EIF2B2: variants seen among roughly 807,000 people sequenced by gnomAD.
EIF2B2 encodes the protein eukaryotic translation initiation factor 2B subunit beta, also known as translation initiation factor eIF2B subunit beta.
A neutral mutation model predicts 34.7 loss-of-function variants in EIF2B2; 34 were observed. The observed-to-expected ratio is 0.98, with a 90% confidence interval of 0.75 to 1.31. EIF2B2 has a LOEUF of 1.31. Among genes scored for constraint, EIF2B2 ranks in the 50% most tolerant of loss-of-function variants. The probability of loss-of-function intolerance (pLI) is 0.00; values close to 1 mark genes in which losing one functional copy is unlikely to be tolerated. For synonymous variants in EIF2B2, 155 were observed against 171.6 expected, an observed-to-expected ratio of 0.90 and a Z score of 0.76; for missense variants, 361 against 447.7, an observed-to-expected ratio of 0.81 and a Z score of 1.75.
intron 4 of EIF2B2, chr14:75,005,159 C>T: frequency 2.5e-6 from 1 of 403,256 alleles, no homozygotes; most frequent in African/African-American, 2.1e-5. Flanking sequence ...GGTGGATTAC[C>T]TGAGGTCAGG....
Position 75,009,233 on chromosome 14 carries a change from T to G in EIF2B2, c.*45T>G, listed in dbSNP as rs765822635. On this transcript the variant is annotated 3_prime_UTR_variant, in exon 8 of 8. Transcript: ENST00000266126. ...GCAGATTGCTTAGGCAGATACAGAATGAAGAGGAGACTTGAGTGTTGCTGC... is the reference window on the plus strand; with the variant it reads ...GCAGATTGCTTAGGCAGATACAGAAGGAAGAGGAGACTTGAGTGTTGCTGC... The G allele has an allele frequency of 3.4e-5, 55 of 1,610,412 alleles. No homozygotes were observed. Among genetic ancestry groups the G allele is most frequent in the Admixed American group, 8.3e-5 (5 of 59,976 alleles).
intron 4 of EIF2B2, chr14:75,005,202 C>A: frequency 8.4e-6 from 3 of 356,870 alleles, no homozygotes; most frequent in South Asian, 4.4e-5. Context: ...CATGACAAAA[C>A]CCCGTCTCCA....
At position 75,011,037 on chromosome 14, in the gene EIF2B2, T is replaced by C. The variant is rs1889697540; in HGVS notation, c.*1849T>C. ...AACTAAAATACTATAATAAAATTTT[T>C]AGTTCCACTAAAAATACAAAAATTA... On this transcript the variant is annotated 3_prime_UTR_variant, in exon 8 of 8. Coordinates refer to ENST00000266126, the MANE Select transcript of EIF2B2 (RefSeq NM_014239.4). 1 of 152,140 alleles carries C rather than the reference T, an allele frequency of 6.6e-6. No homozygotes were observed. The highest frequency in any genetic ancestry group is 6.5e-5 in the Admixed American group (1 of 15,272). 9.4% of individuals were successfully genotyped at this position (152,140 alleles called of 1,614,324 possible).
Position 75,004,687 on chromosome 14 carries a change from ATATTTTTTTTTTTTTTTT to A in EIF2B2, c.434-48_434-31del, listed in dbSNP as rs1889595551. The A allele has an allele frequency of 2.9e-4, 31 of 107,676 alleles. 4 individuals are homozygous for A. The highest frequency in any genetic ancestry group is 1.0e-3 in the Admixed American group (3 of 2,914). The allele number at this position is 107,676 out of a possible 1,614,324, so 6.7% of individuals were successfully genotyped here. On this transcript the variant is annotated intron_variant, in intron 3 of 7. Transcript: ENST00000266126. ...ATTTCATATATATATATATATATAT[ATATTTTTTTTTTTTTTTT>A]TTTTTTTTTTTTTGCAAAACCGTTC...
intron 6 of EIF2B2, chr14:75,007,386 GC>G (rs1889642880): frequency 2.9e-6 from 1 of 344,488 alleles, no homozygotes; most frequent in Non-Finnish European, 5.6e-6. Flanking sequence ...CTATGGATTT[GC>G]CCATTTTGTA....
At position 75,007,783 on chromosome 14, in the gene EIF2B2, C is replaced by T; in HGVS notation, c.893C>T (p.Thr298Ile). Reference protein sequence around the residue: ...FVAPEEVLPFTEGDILEKVSV... With the variant: ...FVAPEEVLPFIEGDILEKVSV... ...GCTCCTGAAGAAGTCCTGCCATTCA[C>T]AGAAGGTACAGAAGCTGTGTGTGCA... The change falls in exon 7 of 8, where the codon ACA becomes ATA. Residue 298 changes from threonine (T) to isoleucine (I), a missense_variant. Physicochemically the swap from Thr to Ile is moderately conservative, Grantham distance 89. Transcript: ENST00000266126. The T allele has an allele frequency of 6.2e-7, 1 of 1,613,752 alleles. No individual in the cohort carries two copies. The highest frequency in any genetic ancestry group is 8.5e-7 in the Non-Finnish European group (1 of 1,179,878).
rs1370207363 is a variant in EIF2B2 at position 75,010,921 on chromosome 14, G to A, written c.*1733G>A. On this transcript the variant is annotated 3_prime_UTR_variant, in exon 8 of 8. Transcript: ENST00000266126. ...AAAACAACACTGGCTGGGCGCAATG[G>A]CTCACGCCTATAATCCCAGCACTTT... 1 of 152,244 alleles carries A rather than the reference G, an allele frequency of 6.6e-6. No homozygotes were observed. The highest frequency in any genetic ancestry group is 2.4e-5 in the African/African-American group (1 of 41,466). The allele number at this position is 152,244 out of a possible 1,614,324, so 9.4% of individuals were successfully genotyped here.
In EIF2B2 at chr14:75,003,295, C is replaced by A. The variant is rs1308918734; in HGVS notation, c.184C>A (p.Arg62Ser). 4 of 1,613,652 alleles carry A rather than the reference C, an allele frequency of 2.5e-6. No individual in the cohort carries two copies. The highest frequency in any genetic ancestry group is 1.3e-5 in the African/African-American group (1 of 74,874). The change falls in exon 2 of 8, where the codon CGC becomes AGC. Residue 62 changes from arginine (R) to serine (S), a missense_variant. Transcript: ENST00000266126. Reference protein sequence around the residue: ...SNAGELMELIRREGRRMTAAQ... With the variant: ...SNAGELMELISREGRRMTAAQ... ...TGTAGGGGAGCTGATGGAGCTGATCCGCAGAGAGGGCAGGAGGATGACGGC... is the reference window on the plus strand; with the variant it reads ...TGTAGGGGAGCTGATGGAGCTGATCAGCAGAGAGGGCAGGAGGATGACGGC...
chr14:75,005,337 A>G (rs1889611517), intron 4 of EIF2B2, among the ~76,000 whole-genome samples: 1 of 151,892 alleles, frequency 6.6e-6, no homozygotes. Context: ...AGATAGCGCC[A>G]CTGCACTCCA....
At chr14:75,007,296 T>G in intron 6 of EIF2B2, 1 of 359,062 alleles carries the variant, frequency 2.8e-6, no homozygotes, top group Non-Finnish European at 5.4e-6. Context: ...TTTTCTCCAC[T>G]GTAGAAAAAC....
In EIF2B2 at chr14:75,003,013, G is replaced by C. The variant is rs907307477; in HGVS notation, c.23G>C (p.Gly8Ala). 6.2e-7 allele frequency: 1 copy of C among 1,614,156 alleles called. No individual in the cohort carries two copies. Among genetic ancestry groups the C allele is most frequent in the Admixed American group, 1.7e-5 (1 of 60,032 alleles). ...AAGATGCCGGGATCCGCAGCGAAGG[G>C]CTCGGAGTTGTCAGAGAGGATCGAG... Reference protein sequence around the residue: MPGSAAKGSELSERIESF... With the variant: MPGSAAKASELSERIESF... Residue 8 changes from glycine to alanine, a missense_variant, in exon 1 of 8, where the codon GGC becomes GCC. Gly to Ala is a moderately conservative substitution (Grantham distance 60). Transcript: ENST00000266126.
intron 3 of EIF2B2, 48 bp from the exon 4 acceptor site, chr14:75,004,689 A>ATATATATATATATATATATATTTAT: frequency 6.8e-6 from 1 of 146,204 alleles, no homozygotes; most frequent in African/African-American, 7.2e-5. Context: ...ATATATATAT[A>ATATATATATATATATATATATTTAT]TTTTTTTTTT....
rs77367200 is a variant in EIF2B2, at chr14:75,008,084, A to G, written c.898+296A>G. On this transcript the variant is annotated intron_variant, in intron 7 of 7. Transcript: ENST00000266126. ...TGGCTTTGCATGCTGTTTGAGATAT[A>G]GACAACAACCAGTTGGGAAAATGTA... The G allele has an allele frequency of 4.1e-5, 5 of 121,940 alleles. No individual in the cohort carries two copies. The South Asian group carries it at 4.4e-4, about 11-fold the overall frequency. The allele number at this position is 121,940 out of a possible 1,614,324, so 7.6% of individuals were successfully genotyped here.
chr14:75,009,033 G>T lies in EIF2B2; in HGVS notation c.901G>T (p.Asp301Tyr). The change falls in exon 8 of 8, where the codon GAC becomes TAC. Residue 301 changes from aspartate (D) to tyrosine (Y), a missense_variant and splice_region_variant. Transcript: ENST00000266126. ...TAGCATGTGTGCTTGCCTTTCAGGG[G>T]ACATTCTGGAGAAGGTCAGCGTGCA... The part of the protein sequence containing the change: ...PEEVLPFTEG[D>Y]ILEKVSVHCP... 1 of 1,614,082 alleles carries T rather than the reference G, an allele frequency of 6.2e-7. No individual in the cohort carries two copies. Among genetic ancestry groups the T allele is most frequent in the Non-Finnish European group, 8.5e-7 (1 of 1,179,992 alleles).
chr14:75,009,591 A>T lies in EIF2B2; in HGVS notation c.*403A>T. 3.3e-6 allele frequency: 1 copy of T among 301,206 alleles called. No individual in the cohort carries two copies. Among genetic ancestry groups the T allele is most frequent in the Non-Finnish European group, 6.5e-6 (1 of 155,000 alleles). The allele number at this position is 301,206 out of a possible 1,614,324, so 18.7% of individuals were successfully genotyped here. On this transcript the variant is annotated 3_prime_UTR_variant, in exon 8 of 8. Transcript: ENST00000266126. Reference sequence around the variant, plus strand: ...CCAATAAAAGCCACTTGAAGGTTCCATAGTTGGTTTATTTATTGTCCTACT... The same window carrying T: ...CCAATAAAAGCCACTTGAAGGTTCCTTAGTTGGTTTATTTATTGTCCTACT...
chr14:75,006,016 G>T lies in EIF2B2; in HGVS notation c.693+55G>T. ...ATGAAGATTATGTTTCTAAAATATT[G>T]ATTTTTATCTCCTCCTGTAATATCC... On this transcript the variant is annotated intron_variant, in intron 5 of 7. Transcript: ENST00000266126. The surrounding 1 kb of genome is among the most constrained non-coding windows in gnomAD (Gnocchi z 4.1). 2 of 1,396,114 alleles carry T rather than the reference G, an allele frequency of 1.4e-6. No individual in the cohort carries two copies. The highest frequency in any genetic ancestry group is 2.3e-5 in the South Asian group (2 of 86,394). The allele number at this position is 1,396,114 out of a possible 1,614,324, so 86.5% of individuals were successfully genotyped here.
rs1028392498 is a variant in EIF2B2, at chr14:75,009,277, T to C, written c.*89T>C. 8 of 1,524,418 alleles carry C rather than the reference T, an allele frequency of 5.2e-6. No homozygotes were observed. The highest frequency in any genetic ancestry group is 7.2e-6 in the Non-Finnish European group (8 of 1,104,526). The allele number at this position is 1,524,418 out of a possible 1,614,324, so 94.4% of individuals were successfully genotyped here. A position where few individuals can be genotyped will look rare whatever the true frequency, so the allele number is the denominator to read the frequency against. ...TTGCTGCTGAAGCACATCCTTGCAA[T>C]GTGGGAGTGCACAGGAGTCCACCTA... On this transcript the variant is annotated 3_prime_UTR_variant, in exon 8 of 8. Coordinates refer to ENST00000266126, the MANE Select transcript of EIF2B2 (RefSeq NM_014239.4).
chr14:75,004,681 A>ATC, intron 3 of EIF2B2, 56 bp from the exon 4 acceptor site: 1 of 159,020 alleles, frequency 6.3e-6, no homozygotes. Context: ...ATATATATAT[A>ATC]TATATATATT....
chr14:75,008,986 G>A, intron 7 of EIF2B2, 45 bp from the exon 8 acceptor site: 5 of 1,613,226 alleles, frequency 3.1e-6, no homozygotes, highest in Non-Finnish European at 4.2e-6. Flanking sequence ...AATTATGAGA[G>A]AGGGAGCCTC....
Sources: allele counts gnomAD v4.1 joint callset (sites outside exome capture counted in the v4.1 genomes callset), GRCh38; gene constraint gnomAD v4.1.1; non-coding constraint Gnocchi (gnomAD v3.1); transcripts MANE v1.5; gene names NCBI Gene and HGNC (gene_info 2026-07-23, HGNC 2026-07-21).